Variants in ENOX1 observed in about 807,000 individuals in gnomAD.
ENOX1 encodes the protein ecto-NOX disulfide-thiol exchanger 1.
ENOX1 carries 42 observed loss-of-function variants against 82.5 expected under a neutral mutation model. The ratio of observed to expected loss-of-function variants is 0.51; its 90% CI spans 0.40 to 0.66. The LOEUF (loss-of-function observed/expected upper bound fraction) is 0.66. Among genes scored for constraint, ENOX1 ranks in the 30% least tolerant of loss-of-function variants. ENOX1 has a pLI of 0.00. For missense variants in ENOX1, 608 were observed against 811.6 expected, an observed-to-expected ratio of 0.75 and a Z score of 3.05; for synonymous variants, 271 against 282.2, an observed-to-expected ratio of 0.96 and a Z score of 0.40.
At chr13:43,528,488 G>A (rs1349018896) in intron 2 of ENOX1, among the ~76,000 whole-genome samples, 1 of 151,966 alleles carries the variant, frequency 6.6e-6, no homozygotes, top group Non-Finnish European at 1.5e-5. Context: ...AATACCTATT[G>A]CCTATATTTA....
chr13:43,247,883 A>ATAT (rs1566330073), intron 14 of ENOX1, among the ~76,000 whole-genome samples: 1 of 14,648 alleles, frequency 6.8e-5, no homozygotes. Flanking sequence ...ATATATATAT[A>ATAT]TTTTTTTTTT....
chr13:43,436,419 A>G lies in ENOX1; in HGVS notation c.-74-23431T>C, dbSNP rs187235503. Reference sequence around the variant, plus strand: ...AAATAAAGCACATTTTTTACAACATAGAAAGTAATCTCAGAATTCATTAAC... The same window carrying G: ...AAATAAAGCACATTTTTTACAACATGGAAAGTAATCTCAGAATTCATTAAC... On this transcript the variant is annotated intron_variant, in intron 3 of 16. Transcript: ENST00000690772. Among the ~76,000 whole-genome samples the G allele has an allele frequency of 1.1e-3, 164 of 152,346 alleles. 1 individual carries two copies. The highest frequency in any genetic ancestry group is 3.7e-3 in the African/African-American group (153 of 41,590).
intron 2 of ENOX1, among the ~76,000 whole-genome samples, chr13:43,565,307 T>C (rs1444561955): frequency 6.6e-6 from 1 of 151,874 alleles, no homozygotes; most frequent in African/African-American, 2.4e-5. Flanking sequence ...GAGGCTGGAG[T>C]CAAGTGCCAG....
At chr13:43,311,196 G>A (rs966747811) in intron 11 of ENOX1, among the ~76,000 whole-genome samples, 23 of 151,994 alleles carry the variant, frequency 1.5e-4, no homozygotes, top group African/African-American at 4.1e-4. Flanking sequence ...TCGAGTGGAC[G>A]TGGATTATAT....
At chr13:43,726,718 T>TTGTGTGTGTG (rs55918525) in intron 1 of ENOX1, among the ~76,000 whole-genome samples, 225 of 144,794 alleles carry the variant, frequency 1.6e-3, no homozygotes, top group South Asian at 4.1e-3. Context: ...GCATTGACTT[T>TTGTGTGTGTG]TGTGTGTGTG....
Position 43,335,193 on chromosome 13 carries a change from A to C in ENOX1, c.1037-8668T>G, listed in dbSNP as rs753202816. Among the ~76,000 whole-genome samples the C allele has an allele frequency of 1.3e-5, 2 of 152,206 alleles. 1 individual carries two copies. Among genetic ancestry groups the C allele is most frequent in the Non-Finnish European group, 2.9e-5 (2 of 68,028 alleles). Reference sequence around the variant, plus strand: ...CTTGCTATAGAAGGTGTCTACACACATAAGTGGTTTCTCTCCTTAAATAGA... The same window carrying C: ...CTTGCTATAGAAGGTGTCTACACACCTAAGTGGTTTCTCTCCTTAAATAGA... On this transcript the variant is annotated intron_variant, in intron 9 of 16. Transcript: ENST00000690772.
intron 9 of ENOX1, among the ~76,000 whole-genome samples, chr13:43,334,401 T>C (rs905583533): frequency 1.3e-5 from 2 of 152,220 alleles, no homozygotes; most frequent in Non-Finnish European, 2.9e-5. Flanking sequence ...TGGTGTGTAA[T>C]GTGCTAGACT....
intron 1 of ENOX1, among the ~76,000 whole-genome samples, chr13:43,708,283 C>A (rs2087455221): frequency 6.6e-6 from 1 of 152,150 alleles, no homozygotes; most frequent in African/African-American, 2.4e-5. Context: ...TGCGGACAGG[C>A]CATTGCGCAT....
At chr13:43,637,462 C>T (rs1045679172) in intron 2 of ENOX1, among the ~76,000 whole-genome samples, 18 of 152,150 alleles carry the variant, frequency 1.2e-4, no homozygotes, top group Non-Finnish European at 2.4e-4. Context: ...AAACACTGGT[C>T]CCAAATCAAT....
chr13:43,771,918 C>T (rs951113263), intron 1 of ENOX1, among the ~76,000 whole-genome samples: 4 of 150,356 alleles, frequency 2.7e-5, no homozygotes, highest in Non-Finnish European at 5.9e-5. Flanking sequence ...GCGCGTCTGC[C>T]ACCACGCCCG....
intron 14 of ENOX1, among the ~76,000 whole-genome samples, chr13:43,260,634 AG>A (rs1229516230): frequency 6.6e-6 from 1 of 152,210 alleles, no homozygotes. Context: ...CCTGCTGGGA[AG>A]AAGGTCATCA....
chr13:43,651,116 C>G (rs1424405074), intron 2 of ENOX1, among the ~76,000 whole-genome samples: 1 of 152,112 alleles, frequency 6.6e-6, no homozygotes, highest in Non-Finnish European at 1.5e-5. Flanking sequence ...CACATGGGAC[C>G]TCTGTGGTTA....
intron 2 of ENOX1, among the ~76,000 whole-genome samples, chr13:43,561,114 A>G (rs532370650): frequency 6.6e-6 from 1 of 152,302 alleles, no homozygotes; most frequent in African/African-American, 2.4e-5. Flanking sequence ...TGATAAAATA[A>G]TTCAGCAAAT....
Position 43,224,066 on chromosome 13 carries a change from T to C in ENOX1, c.1787A>G (p.Gln596Arg), listed in dbSNP as rs769945517. ...AAAATAATTTACCTTGGAGTCCAGCTGCTGCATGTATGACCAAAGATATTC... is the reference window on the plus strand; with the variant it reads ...AAAATAATTTACCTTGGAGTCCAGCCGCTGCATGTATGACCAAAGATATTC... ...NIEYLWSYMQ[Q>R]LDSKISANEI... is the part of the protein sequence containing the mutation. Residue 596 changes from glutamine to arginine, a missense_variant, in exon 16 of 17, where the codon CAG becomes CGG. By Grantham distance (43) the Gln-to-Arg change is conservative. Coordinates refer to ENST00000690772, the MANE Select transcript of ENOX1 (RefSeq NM_001347969.2). 1 of 1,613,810 alleles carries C rather than the reference T, an allele frequency of 6.2e-7. No homozygotes were observed. The highest frequency in any genetic ancestry group is 1.7e-5 in the Admixed American group (1 of 60,016).
chr13:43,677,840 G>A (rs9316051), intron 1 of ENOX1, among the ~76,000 whole-genome samples: 1 of 151,968 alleles, frequency 6.6e-6, no homozygotes, highest in Non-Finnish European at 1.5e-5. Context: ...CGATCCTGTG[G>A]TTTCTAGAAT....
intron 1 of ENOX1, among the ~76,000 whole-genome samples, chr13:43,783,632 G>A (rs1952403812): frequency 6.6e-6 from 1 of 152,122 alleles, no homozygotes; most frequent in Non-Finnish European, 1.5e-5. Flanking sequence ...AGAAAACTCA[G>A]CTTTTTGTAA....
At chr13:43,467,258 T>G (rs1177397967) in intron 3 of ENOX1, among the ~76,000 whole-genome samples, 4 of 152,186 alleles carry the variant, frequency 2.6e-5, no homozygotes. Flanking sequence ...ATTTACCACA[T>G]CTCTGTCAAC....
chr13:43,426,319 C>T (rs905458824), intron 3 of ENOX1, among the ~76,000 whole-genome samples: 4 of 152,072 alleles, frequency 2.6e-5, no homozygotes, highest in African/African-American at 7.2e-5. Context: ...TTAGAGTCAT[C>T]GTATGTATTT....
intron 14 of ENOX1, among the ~76,000 whole-genome samples, chr13:43,251,193 G>A (rs1317821780): frequency 6.6e-6 from 1 of 152,228 alleles, no homozygotes; most frequent in African/African-American, 2.4e-5. Flanking sequence ...AAATAAGAAA[G>A]TTGGATGATG....
Sources: allele counts gnomAD v4.1 joint callset (sites outside exome capture counted in the v4.1 genomes callset), GRCh38; gene constraint gnomAD v4.1.1; transcripts MANE v1.5; gene names NCBI Gene and HGNC (gene_info 2026-07-23, HGNC 2026-07-21).